The following SAMD12 variants were observed in gnomAD, a reference collection of about 807,000 sequenced individuals.
SAMD12 encodes the protein sterile alpha motif domain containing 12.
In SAMD12, 9 loss-of-function variants were observed where a neutral mutation model predicts 15.0. The ratio of observed to expected loss-of-function variants is 0.60; its 90% confidence interval spans 0.36 to 1.05. The LOEUF is 1.05. Among genes scored for constraint, SAMD12 ranks in the 50% least tolerant of loss-of-function variants. The probability of loss-of-function intolerance (pLI) is 0.01; values close to 1 mark genes in which losing one functional copy is unlikely to be tolerated. For synonymous variants in SAMD12, 86 were observed against 90.1 expected (o/e 0.96, Z 0.25); for missense variants, 230 against 234.2 (o/e 0.98, Z 0.12).
At chr8:118,407,264 C>G (rs556231583) in intron 3 of SAMD12, among the ~76,000 whole-genome samples, 1 of 152,194 alleles carries the variant, frequency 6.6e-6, no homozygotes, top group African/African-American at 2.4e-5. Context: ...ATAGCAGCTG[C>G]ACTATTTTAC....
At chr8:118,373,850 G>A (rs1432135702), downstream of SAMD12, among the ~76,000 whole-genome samples, 1 of 151,948 alleles carries the variant, frequency 6.6e-6, no homozygotes, top group East Asian at 1.9e-4. Context: ...GTCACTAAAA[G>A]GGACACCCCA....
At chr8:118,364,734 A>C (rs913549262) in intron 4 of SAMD12, among the ~76,000 whole-genome samples, 1 of 152,138 alleles carries the variant, frequency 6.6e-6, no homozygotes, top group African/African-American at 2.4e-5. Flanking sequence ...CTGCTGCAAG[A>C]AGGTCATGAA....
intron 2 of SAMD12, among the ~76,000 whole-genome samples, chr8:118,542,376 G>A (rs1024030161): frequency 6.6e-6 from 1 of 152,130 alleles, no homozygotes; most frequent in African/African-American, 2.4e-5. Context: ...ATGATGAAAT[G>A]TCTTAGATAT....
intron 3 of SAMD12, among the ~76,000 whole-genome samples, chr8:118,410,770 G>A (rs1207799398): frequency 6.6e-6 from 1 of 152,188 alleles, no homozygotes; most frequent in Non-Finnish European, 1.5e-5. Context: ...CCTATCTGAA[G>A]TTCCTTACTG....
chr8:118,505,775 A>G (rs1379743743), intron 2 of SAMD12, among the ~76,000 whole-genome samples: 1 of 152,068 alleles, frequency 6.6e-6, no homozygotes, highest in Non-Finnish European at 1.5e-5. Context: ...CCACCAGCTT[A>G]GAAAAGCAGA....
At chr8:118,570,107 A>T (rs562137354) in intron 2 of SAMD12, among the ~76,000 whole-genome samples, 9 of 152,152 alleles carry the variant, frequency 5.9e-5, no homozygotes, top group Non-Finnish European at 7.3e-5. Context: ...TACACCAGGG[A>T]CCCTGAATAG....
At chr8:118,208,335 C>T (rs965731837) in intron 4 of SAMD12, among the ~76,000 whole-genome samples, 7 of 152,124 alleles carry the variant, frequency 4.6e-5, no homozygotes, top group South Asian at 4.2e-4. Flanking sequence ...TTTTGTCATA[C>T]GGAATCTTAG....
intron 2 of SAMD12, among the ~76,000 whole-genome samples, chr8:118,472,300 AG>A (rs1433549843): frequency 7.3e-5 from 11 of 151,478 alleles, no homozygotes; most frequent in African/African-American, 2.4e-4. Flanking sequence ...AAAAAAAAAA[AG>A]AGTACAAGTA....
At chr8:118,426,950 T>C (rs16891001) in intron 3 of SAMD12, among the ~76,000 whole-genome samples, 2,777 of 152,306 alleles carry the variant, frequency 0.018, 91 homozygotes, top group African/African-American at 0.064. Context: ...AACTTGTCTA[T>C]GAAATCCAAA....
At chr8:118,395,981 TGAA>T (rs1403909040) in intron 3 of SAMD12, among the ~76,000 whole-genome samples, 1 of 151,954 alleles carries the variant, frequency 6.6e-6, no homozygotes, top group African/African-American at 2.4e-5. Flanking sequence ...AAGAGAAAGT[TGAA>T]GAAAAAAGTG....
At chr8:118,172,432 TC>T in the SAMD12 span, among the ~76,000 whole-genome samples, 96 of 152,324 alleles carry the variant, frequency 6.3e-4, 1 homozygote, top group Middle Eastern at 3.4e-3. Context: ...ATTGCTTTGG[TC>T]CTGCTTAACA....
chr8:118,225,060 G>A (rs1812158782), intron 4 of SAMD12, among the ~76,000 whole-genome samples: 1 of 152,140 alleles, frequency 6.6e-6, no homozygotes, highest in Admixed American at 6.5e-5. Context: ...AGTGTTTATT[G>A]AAATGACCAA....
At chr8:118,430,632 T>A (rs773438331) in intron 3 of SAMD12, among the ~76,000 whole-genome samples, 1 of 152,202 alleles carries the variant, frequency 6.6e-6, no homozygotes, top group Non-Finnish European at 1.5e-5. Context: ...AGTGCTGGGA[T>A]TACAGGCATG....
chr8:118,421,314 C>T (rs1821987157), intron 3 of SAMD12, among the ~76,000 whole-genome samples: 1 of 152,180 alleles, frequency 6.6e-6, no homozygotes, highest in Admixed American at 6.6e-5. Flanking sequence ...ATTCTGATTT[C>T]ATGGCAAATC....
chr8:118,423,951 C>A (rs146708568), intron 3 of SAMD12, among the ~76,000 whole-genome samples: 1 of 152,136 alleles, frequency 6.6e-6, no homozygotes, highest in East Asian at 1.9e-4. Flanking sequence ...TAAGGAAGGG[C>A]GAGAATCACA....
At chr8:118,508,813 A>G (rs1824995210) in intron 2 of SAMD12, among the ~76,000 whole-genome samples, 1 of 152,174 alleles carries the variant, frequency 6.6e-6, no homozygotes, top group Non-Finnish European at 1.5e-5. Context: ...AAAAGGATGA[A>G]TGCGTTTTCT....
At chr8:118,418,622 G>A (rs1443383453) in intron 3 of SAMD12, among the ~76,000 whole-genome samples, 3 of 152,066 alleles carry the variant, frequency 2.0e-5, no homozygotes, top group African/African-American at 4.8e-5. Flanking sequence ...GGGAGGCTGA[G>A]GCAGGAGAAT....
intron 4 of SAMD12, among the ~76,000 whole-genome samples, chr8:118,369,211 C>T (rs1015729371): frequency 6.6e-5 from 10 of 152,100 alleles, no homozygotes; most frequent in Non-Finnish European, 1.0e-4. Context: ...AAAACAGACA[C>T]GTAGACCAAT....
intron 4 of SAMD12, among the ~76,000 whole-genome samples, chr8:118,332,007 G>A (rs796939574): frequency 2.6e-5 from 4 of 152,136 alleles, no homozygotes; most frequent in African/African-American, 9.6e-5. Flanking sequence ...CTTAAGACAG[G>A]TACCACACCT....
Sources: gnomAD v4.1 joint callset for allele counts (sites outside exome capture counted in the v4.1 genomes callset) on GRCh38, gnomAD v4.1.1 for gene constraint, MANE v1.5 for transcripts, NCBI Gene and HGNC (gene_info 2026-07-23, HGNC 2026-07-21) for gene names.